Variants in CEP112 observed in about 807,000 individuals in gnomAD.
The protein encoded by CEP112 is centrosomal protein of 112 kDa.
A neutral mutation model predicts 153.0 loss-of-function variants in CEP112; 127 were observed. The ratio of observed to expected loss-of-function variants is 0.83; its 90% CI spans 0.72 to 0.96. The LOEUF (loss-of-function observed/expected upper bound fraction) is 0.96. Among genes scored for constraint, CEP112 ranks in the 40% least tolerant of loss-of-function variants. The probability of loss-of-function intolerance (pLI) is 0.00; values close to 1 mark genes in which losing one functional copy is unlikely to be tolerated. For synonymous variants in CEP112, 358 were observed against 374.4 expected, an observed-to-expected ratio of 0.96 and a Z score of 0.51; for missense variants, 1,089 against 1,101.2, an observed-to-expected ratio of 0.99 and a Z score of 0.16.
intron 4 of CEP112, among the ~76,000 whole-genome samples, chr17:66,163,544 A>G (rs1158257306): frequency 1.3e-5 from 2 of 152,128 alleles, no homozygotes; most frequent in African/African-American, 4.8e-5. Context: ...TAATTTTTCA[A>G]AAAGAACTTT....
intron 19 of CEP112, among the ~76,000 whole-genome samples, chr17:65,922,282 T>C (rs974463282): frequency 9.2e-5 from 14 of 152,248 alleles, no homozygotes; most frequent in African/African-American, 3.1e-4. Flanking sequence ...GATTTTCTTA[T>C]GGTTTATGCT....
At chr17:65,863,227 T>A (rs1046620440) in intron 20 of CEP112, among the ~76,000 whole-genome samples, 1 of 152,218 alleles carries the variant, frequency 6.6e-6, no homozygotes, top group African/African-American at 2.4e-5. Flanking sequence ...AAATGTCACA[T>A]GCAAAAGAAT....
At chr17:65,821,514 T>TTATATATATATATATATAATTA (rs2056550156) in intron 21 of CEP112, among the ~76,000 whole-genome samples, 1 of 50,170 alleles carries the variant, frequency 2.0e-5, no homozygotes, top group Non-Finnish European at 3.4e-5. Context: ...ATATATATAA[T>TTATATATATATATATATAATTA]TATATATATA....
chr17:65,907,180 C>T (rs1168657218), intron 19 of CEP112, among the ~76,000 whole-genome samples: 2 of 152,102 alleles, frequency 1.3e-5, no homozygotes, highest in Non-Finnish European at 2.9e-5. Context: ...AGTAATGATA[C>T]CTCCTTGTTC....
chr17:65,889,977 T>G (rs1359987435), intron 20 of CEP112, among the ~76,000 whole-genome samples: 3 of 152,152 alleles, frequency 2.0e-5, no homozygotes, highest in Non-Finnish European at 4.4e-5. Context: ...CTCTAAACTT[T>G]TTTGAGACAC....
chr17:65,652,903 T>C (rs1288722598), intron 24 of CEP112, among the ~76,000 whole-genome samples: 2 of 152,170 alleles, frequency 1.3e-5, no homozygotes, highest in African/African-American at 4.8e-5. Flanking sequence ...AGGCTGAAAG[T>C]CCAAGATCAG....
At position 65,916,926 on chromosome 17, in the gene CEP112, GAA is replaced by G. The variant is rs567730976; in HGVS notation, c.1980+10654_1980+10655del. The stretch of plus-strand genomic sequence containing the variant: ...AGATGAGAACAGCTCCAGGCCAAAA[GAA>G]AAAAAAAGAGGAAGAGAAGGCTCTT... On this transcript the variant is annotated intron_variant, in intron 19 of 26. Coordinates refer to ENST00000535342, the MANE Select transcript of CEP112 (RefSeq NM_001199165.4). Among the ~76,000 whole-genome samples the G allele has an allele frequency of 6.8e-3, 1,021 of 149,716 alleles. 11 individuals are homozygous for G. The highest frequency in any genetic ancestry group is 0.024 in the African/African-American group (988 of 40,858).
At chr17:65,947,822 T>C (rs2061695739) in intron 18 of CEP112, among the ~76,000 whole-genome samples, 1 of 152,142 alleles carries the variant, frequency 6.6e-6, no homozygotes, top group African/African-American at 2.4e-5. Flanking sequence ...TTCTACATTA[T>C]CATCAATAAT....
chr17:66,174,244 C>T (rs2072373076), intron 4 of CEP112, among the ~76,000 whole-genome samples: 2 of 152,152 alleles, frequency 1.3e-5, no homozygotes, highest in Non-Finnish European at 2.9e-5. Flanking sequence ...TCTTTTTCGA[C>T]CATAATATCT....
intron 23 of CEP112, among the ~76,000 whole-genome samples, chr17:65,723,862 G>A (rs1040008995): frequency 2.0e-5 from 3 of 152,184 alleles, no homozygotes; most frequent in African/African-American, 7.2e-5. Flanking sequence ...TTAATTGCTT[G>A]AGATTTAAAG....
At chr17:65,728,774 T>C (rs989415525) in intron 23 of CEP112, among the ~76,000 whole-genome samples, 1 of 152,118 alleles carries the variant, frequency 6.6e-6, no homozygotes, top group Non-Finnish European at 1.5e-5. Context: ...GCACTTACCA[T>C]GAATGGAGCT....
intron 17 of CEP112, among the ~76,000 whole-genome samples, chr17:65,970,117 A>T (rs1271461861): frequency 1.3e-5 from 2 of 152,234 alleles, no homozygotes; most frequent in Non-Finnish European, 2.9e-5. Context: ...GCACATGCAT[A>T]TCGCATGTAT....
At chr17:66,097,910 T>A (rs2068415553) in intron 6 of CEP112, among the ~76,000 whole-genome samples, 1 of 152,178 alleles carries the variant, frequency 6.6e-6, no homozygotes. Context: ...GAACACAAAC[T>A]ATCACTTCAA....
At chr17:65,651,443 G>A (rs759458942) in intron 24 of CEP112, among the ~76,000 whole-genome samples, 5 of 152,050 alleles carry the variant, frequency 3.3e-5, no homozygotes, top group Non-Finnish European at 7.4e-5. Context: ...CTTTTCCTCT[G>A]GGTAGATACC....
chr17:66,105,965 G>A (rs532288640), intron 6 of CEP112, among the ~76,000 whole-genome samples: 17 of 151,994 alleles, frequency 1.1e-4, no homozygotes, highest in Admixed American at 3.3e-4. Flanking sequence ...CTCTGACCAC[G>A]AGGTAATAAA....
chr17:65,758,724 TAA>T (rs1411969081), intron 21 of CEP112, among the ~76,000 whole-genome samples: 7 of 152,192 alleles, frequency 4.6e-5, no homozygotes, highest in African/African-American at 1.7e-4. Context: ...AGTTTCTGAA[TAA>T]AATAGTTGTT....
At chr17:65,777,074 G>A (rs2053720885) in intron 21 of CEP112, among the ~76,000 whole-genome samples, 1 of 152,184 alleles carries the variant, frequency 6.6e-6, no homozygotes, top group Admixed American at 6.5e-5. Context: ...CTTTGCAGCT[G>A]GACGTGGTCA....
At chr17:65,934,541 T>C (rs1022101536) in intron 18 of CEP112, among the ~76,000 whole-genome samples, 2 of 152,140 alleles carry the variant, frequency 1.3e-5, no homozygotes, top group Non-Finnish European at 1.5e-5. Flanking sequence ...TCCTTACCTA[T>C]CAATAATTAC....
chr17:65,807,758 A>T (rs1214673610), intron 21 of CEP112, among the ~76,000 whole-genome samples: 1 of 152,188 alleles, frequency 6.6e-6, no homozygotes, highest in Non-Finnish European at 1.5e-5. Flanking sequence ...GGGAGCCTCC[A>T]CCTAGATTTC....
Sources: gnomAD v4.1 joint callset for allele counts (sites outside exome capture counted in the v4.1 genomes callset) on GRCh38, gnomAD v4.1.1 for gene constraint, MANE v1.5 for transcripts, NCBI Gene and HGNC (gene_info 2026-07-23, HGNC 2026-07-21) for gene names.